Variants in NRG1 observed in about 807,000 individuals in gnomAD.
The protein encoded by NRG1 is neuregulin 1, also known as pro-neuregulin-1, membrane-bound isoform.
NRG1 carries 18 observed loss-of-function variants against 63.8 expected under a neutral mutation model. The observed-to-expected ratio is 0.28, with a 90% CI of 0.19 to 0.42. NRG1 has a LOEUF of 0.42. Among genes scored for constraint, NRG1 ranks in the 10% least tolerant of loss-of-function variants. NRG1 has a pLI of 1.00. For missense variants in NRG1, 762 were observed against 814.7 expected (o/e 0.94, Z 0.79); for synonymous variants, 302 against 301.3 (o/e 1.00, Z -0.02).
At chr8:32,700,412 G>T (rs900239390) in intron 5 of NRG1, among the ~76,000 whole-genome samples, 1 of 151,980 alleles carries the variant, frequency 6.6e-6, no homozygotes, top group Non-Finnish European at 1.5e-5. Context: ...TCAGGTCGAG[G>T]GTAAATTCTC....
At chr8:32,368,592 A>T (rs984923390) in intron 1 of NRG1, among the ~76,000 whole-genome samples, 2 of 152,126 alleles carry the variant, frequency 1.3e-5, no homozygotes, top group Non-Finnish European at 2.9e-5. Flanking sequence ...AAAAGAAAGT[A>T]CTTCTATTTA....
At chr8:32,770,253 T>C (rs1056115323), downstream of NRG1, among the ~76,000 whole-genome samples, 1 of 152,242 alleles carries the variant, frequency 6.6e-6, no homozygotes, top group Non-Finnish European at 1.5e-5. Flanking sequence ...AATATTTTTA[T>C]GGCTTAAAAC....
At chr8:31,963,214 G>A (rs551249546) in intron 1 of NRG1, among the ~76,000 whole-genome samples, 4 of 152,212 alleles carry the variant, frequency 2.6e-5, no homozygotes, top group South Asian at 4.2e-4. Flanking sequence ...GAAACAATAG[G>A]GCTAATTAGC....
chr8:32,634,308 T>G (rs1433822809), intron 5 of NRG1, among the ~76,000 whole-genome samples: 1 of 152,114 alleles, frequency 6.6e-6, no homozygotes, highest in Non-Finnish European at 1.5e-5. Context: ...AAATACTGAT[T>G]AAAACTCTTA....
At chr8:32,582,759 T>C (rs1475345249) in intron 1 of NRG1, among the ~76,000 whole-genome samples, 1 of 152,248 alleles carries the variant, frequency 6.6e-6, no homozygotes, top group African/African-American at 2.4e-5. Flanking sequence ...CCCCGCTGAA[T>C]AAGCATTTTC....
intron 1 of NRG1, among the ~76,000 whole-genome samples, chr8:32,565,691 G>A (rs1837317680): frequency 6.6e-6 from 1 of 152,122 alleles, no homozygotes; most frequent in Admixed American, 6.6e-5. Flanking sequence ...ATATTTTCAA[G>A]GTCCCTGTAG....
At chr8:32,527,744 A>G (rs1831013051) in intron 1 of NRG1, among the ~76,000 whole-genome samples, 1 of 152,146 alleles carries the variant, frequency 6.6e-6, no homozygotes, top group Admixed American at 6.5e-5. Context: ...TTACCTAAAA[A>G]CACACTCTGC....
chr8:31,831,084 T>C (rs1825107451), intron 1 of NRG1, among the ~76,000 whole-genome samples: 1 of 151,796 alleles, frequency 6.6e-6, no homozygotes, highest in South Asian at 2.1e-4. Context: ...GCACAGAGTT[T>C]GCTGCTGCTC....
chr8:31,902,219 A>G (rs62508658), intron 1 of NRG1, among the ~76,000 whole-genome samples: 41,443 of 152,084 alleles, frequency 0.27, 6,232 homozygotes, highest in East Asian at 0.68. Flanking sequence ...TTGAACTAAG[A>G]ATAAAATGTG....
At chr8:32,679,017 GGTGCT>G in intron 5 of NRG1, among the ~76,000 whole-genome samples, 1 of 152,036 alleles carries the variant, frequency 6.6e-6, no homozygotes, top group Admixed American at 6.6e-5. Flanking sequence ...AGCCTGACTG[GGTGCT>G]GTGCACTTGT....
chr8:32,738,846 A>G (rs1825724165), intron 6 of NRG1, among the ~76,000 whole-genome samples: 1 of 152,168 alleles, frequency 6.6e-6, no homozygotes, highest in South Asian at 2.1e-4. Context: ...TGAAGGCTAC[A>G]TCCTTTTGTT....
intron 1 of NRG1, among the ~76,000 whole-genome samples, chr8:31,943,362 T>C (rs1802046788): frequency 6.6e-6 from 1 of 151,988 alleles, no homozygotes; most frequent in South Asian, 2.1e-4. Flanking sequence ...GAATGATACA[T>C]TGGACTTCGG....
intron 1 of NRG1, among the ~76,000 whole-genome samples, chr8:31,668,321 G>A (rs1169363121): frequency 1.3e-5 from 2 of 152,124 alleles, no homozygotes; most frequent in African/African-American, 4.8e-5. Flanking sequence ...GGGTTAATAG[G>A]TGCAGTTTTG....
chr8:32,043,115 C>A (rs1820361177), intron 1 of NRG1, among the ~76,000 whole-genome samples: 2 of 151,510 alleles, frequency 1.3e-5, no homozygotes, highest in African/African-American at 4.9e-5. Flanking sequence ...AAAATAAACA[C>A]AAATAAATCC....
chr8:32,388,379 T>C (rs933370530), intron 1 of NRG1, among the ~76,000 whole-genome samples: 1 of 152,240 alleles, frequency 6.6e-6, no homozygotes. Flanking sequence ...GCAAAATTTC[T>C]AACGTAGGGG....
intron 1 of NRG1, among the ~76,000 whole-genome samples, chr8:31,724,286 A>G (rs1436663302): frequency 1.3e-5 from 2 of 152,142 alleles, no homozygotes; most frequent in Non-Finnish European, 2.9e-5. Flanking sequence ...AGAAAGAATG[A>G]ACAAAATTGC....
chr8:32,181,168 C>A (rs773047768), intron 1 of NRG1, among the ~76,000 whole-genome samples: 2 of 152,172 alleles, frequency 1.3e-5, no homozygotes, highest in Non-Finnish European at 2.9e-5. Context: ...CCCTTGGATC[C>A]TCTGTATTTT....
chr8:32,404,585 C>CTT (rs35437908), intron 1 of NRG1, among the ~76,000 whole-genome samples: 15,535 of 116,736 alleles, frequency 0.13, 1,260 homozygotes, highest in South Asian at 0.18. Context: ...TCTTCTTCAT[C>CTT]TTTTTTTTTT....
Position 32,412,423 on chromosome 8 carries a change from C to CATATATATATAT in NRG1, c.38-183387_38-183376dup, listed in dbSNP as rs1178545836. 1.7e-4 allele frequency among the ~76,000 whole-genome samples: 16 copies of CATATATATATAT among 93,016 alleles called. 1 individual carries two copies. The highest frequency in any genetic ancestry group is 6.2e-4 in the African/African-American group (15 of 24,234). The allele number at this position is 93,016 out of a possible 152,430, so 61.0% of individuals were successfully genotyped here. ...TCCTCTCTCTCTCTCTCTCTCTCTA[C>CATATATATATAT]ATATATATATATATATATATATATA... On this transcript the variant is annotated intron_variant, in intron 1 of 10. Coordinates refer to the NRG1 transcript ENST00000519301.
Sources: allele counts gnomAD v4.1 joint callset (sites outside exome capture counted in the v4.1 genomes callset), GRCh38; gene constraint gnomAD v4.1.1; transcripts MANE v1.5; gene names NCBI Gene and HGNC (gene_info 2026-07-23, HGNC 2026-07-21).